SMYD3: variants seen among roughly 807,000 people sequenced by gnomAD.
SMYD3 encodes SET and MYND domain containing 3.
A neutral mutation model predicts 57.7 loss-of-function variants in SMYD3; 36 were observed. The observed-to-expected ratio is 0.62, with a 90% confidence interval of 0.48 to 0.82. SMYD3 has a LOEUF of 0.82. Among genes scored for constraint, SMYD3 ranks in the 40% least tolerant of loss-of-function variants. The pLI is 0.00. For missense variants in SMYD3, 515 were observed against 538.8 expected (o/e 0.96, Z 0.44); for synonymous variants, 211 against 195.0 (o/e 1.08, Z -0.68).
At chr1:246,501,595 C>T (rs1019673711) in intron 1 of SMYD3, among the ~76,000 whole-genome samples, 1 of 152,206 alleles carries the variant, frequency 6.6e-6, no homozygotes, top group Admixed American at 6.5e-5. Flanking sequence ...CATCACCTTC[C>T]TTACGACCTC....
At chr1:246,398,023 T>A (rs1256369767) in intron 1 of SMYD3, among the ~76,000 whole-genome samples, 1 of 151,910 alleles carries the variant, frequency 6.6e-6, no homozygotes. Flanking sequence ...CTGGGTGGAA[T>A]CCGTCAATCA....
chr1:245,944,571 T>G (rs1452998110), intron 5 of SMYD3, among the ~76,000 whole-genome samples: 1 of 152,222 alleles, frequency 6.6e-6, no homozygotes, highest in African/African-American at 2.4e-5. Flanking sequence ...CTGCCCAAAG[T>G]AATTTATAGA....
chr1:246,069,813 G>A (rs544120511), intron 5 of SMYD3, among the ~76,000 whole-genome samples: 41 of 152,302 alleles, frequency 2.7e-4, no homozygotes, highest in African/African-American at 8.7e-4. Flanking sequence ...GGGGTTGGTG[G>A]TGGGCAGGAC....
intron 10 of SMYD3, among the ~76,000 whole-genome samples, chr1:245,778,474 A>G (rs116575232): frequency 1.3e-3 from 202 of 152,302 alleles, no homozygotes; most frequent in African/African-American, 4.0e-3. Flanking sequence ...TACCTTTTCT[A>G]TTATATCCAT....
chr1:245,776,833 T>C (rs540886448), intron 10 of SMYD3, among the ~76,000 whole-genome samples: 1 of 152,342 alleles, frequency 6.6e-6, no homozygotes, highest in African/African-American at 2.4e-5. Context: ...AAACTCCACC[T>C]CACAAGCCAA....
chr1:246,104,097 T>C (rs1361171251), intron 5 of SMYD3, among the ~76,000 whole-genome samples: 1 of 152,192 alleles, frequency 6.6e-6, no homozygotes, highest in Non-Finnish European at 1.5e-5. Flanking sequence ...TGGGAGCTCC[T>C]TTGAAAGAAA....
intron 1 of SMYD3, among the ~76,000 whole-genome samples, chr1:246,406,966 G>C (rs577319702): frequency 1.2e-4 from 18 of 152,336 alleles, no homozygotes; most frequent in East Asian, 5.8e-4. Context: ...GGATATGACA[G>C]CAGCTCTCAT....
intron 10 of SMYD3, among the ~76,000 whole-genome samples, chr1:245,830,324 A>T (rs758928346): frequency 1.3e-5 from 2 of 152,184 alleles, no homozygotes; most frequent in Non-Finnish European, 2.9e-5. Flanking sequence ...AAGCAAAGGC[A>T]CGTCCTACAT....
intron 10 of SMYD3, among the ~76,000 whole-genome samples, chr1:245,806,750 A>C (rs1202971738): frequency 1.3e-5 from 2 of 151,266 alleles, no homozygotes; most frequent in Non-Finnish European, 2.9e-5. Context: ...CTCTACTAAA[A>C]ATACAAAAAA....
chr1:246,362,208 T>C (rs1034196692), intron 1 of SMYD3, among the ~76,000 whole-genome samples: 1 of 152,208 alleles, frequency 6.6e-6, no homozygotes, highest in Non-Finnish European at 1.5e-5. Context: ...TAAAAGTATT[T>C]TATACCCTTC....
chr1:246,306,283 G>A (rs114050870), intron 5 of SMYD3, among the ~76,000 whole-genome samples: 1,895 of 151,638 alleles, frequency 0.012, 45 homozygotes, highest in African/African-American at 0.043. Flanking sequence ...GGAGGCAGAG[G>A]TTGCAATGGG....
At chr1:246,499,401 TACACACACACAC>T (rs74163453) in intron 1 of SMYD3, among the ~76,000 whole-genome samples, 10 of 145,770 alleles carry the variant, frequency 6.9e-5, no homozygotes, top group Non-Finnish European at 1.4e-4. Context: ...CCATCAAATA[TACACACACACAC>T]ACACACACAC....
chr1:246,341,768 C>T (rs1473991595), intron 2 of SMYD3, among the ~76,000 whole-genome samples: 4 of 152,204 alleles, frequency 2.6e-5, no homozygotes, highest in Non-Finnish European at 4.4e-5. Context: ...TACAAAGTCC[C>T]TATTGCTCAC....
chr1:246,087,531 C>T lies in SMYD3; in HGVS notation c.532-157594G>A, dbSNP rs150000608. Among the ~76,000 whole-genome samples, 65 of 152,198 alleles carry T rather than the reference C, an allele frequency of 4.3e-4. No individual in the cohort carries two copies. The East Asian group carries it at 0.012, about 27-fold the overall frequency. ...GCAAGGAAAAAAAATCTCAGAGGCT[C>T]ACACAAAAAAAGCTACAAGGAAAAA... On this transcript the variant is annotated intron_variant, in intron 5 of 11. Transcript: ENST00000490107.
intron 11 of SMYD3, among the ~76,000 whole-genome samples, chr1:245,752,956 C>G (rs1003682271): frequency 1.3e-5 from 2 of 152,210 alleles, no homozygotes; most frequent in Admixed American, 6.5e-5. Context: ...TGCAGCCTCC[C>G]CGTATGAACA....
intron 1 of SMYD3, among the ~76,000 whole-genome samples, chr1:246,424,203 G>A (rs1028851446): frequency 6.6e-6 from 1 of 151,954 alleles, no homozygotes; most frequent in African/African-American, 2.4e-5. Context: ...AATAGGAGGG[G>A]AGAATAGAAG....
chr1:246,473,817 G>A lies in SMYD3; in HGVS notation c.164+33237C>T, dbSNP rs190960301. 1.0e-3 allele frequency among the ~76,000 whole-genome samples: 159 copies of A among 152,272 alleles called. 1 individual carries two copies. The highest frequency in any genetic ancestry group is 3.6e-3 in the African/African-American group (149 of 41,540). On this transcript the variant is annotated intron_variant, in intron 1 of 11. Coordinates refer to ENST00000490107, the MANE Select transcript of SMYD3 (RefSeq NM_001167740.2). ...TAAAGAGGTATGCTCTGCCCCTCAGGGGAAAGCCTGCAGGTGTACTTGTCC... is the reference window on the plus strand; with the variant it reads ...TAAAGAGGTATGCTCTGCCCCTCAGAGGAAAGCCTGCAGGTGTACTTGTCC...
intron 1 of SMYD3, among the ~76,000 whole-genome samples, chr1:246,424,432 T>C (rs995528369): frequency 1.3e-5 from 2 of 151,852 alleles, no homozygotes; most frequent in African/African-American, 2.4e-5. Context: ...AAAAAATAAA[T>C]AAATAAGTAA....
chr1:246,155,518 C>G (rs913382330), intron 5 of SMYD3, among the ~76,000 whole-genome samples: 15 of 152,170 alleles, frequency 9.9e-5, no homozygotes, highest in Admixed American at 7.2e-4. Flanking sequence ...AAAAGGTTAT[C>G]AAACCAAACA....
Sources: gnomAD v4.1 joint callset for allele counts (sites outside exome capture counted in the v4.1 genomes callset) on GRCh38, gnomAD v4.1.1 for gene constraint, MANE v1.5 for transcripts, NCBI Gene and HGNC (gene_info 2026-07-23, HGNC 2026-07-21) for gene names.